Variants in BEST3 observed in about 807,000 individuals in gnomAD.
BEST3 encodes the protein bestrophin 3, also known as bestrophin-3.
In BEST3, 50 loss-of-function variants were observed where a neutral mutation model predicts 47.1. The ratio of observed to expected loss-of-function variants is 1.06; its 90% confidence interval spans 0.85 to 1.34. The LOEUF is 1.34. Ranked by LOEUF, BEST3 falls within the 40% of genes most tolerant of loss-of-function variation. The probability of loss-of-function intolerance (pLI) is 0.00; values close to 1 mark genes in which losing one functional copy is unlikely to be tolerated. For synonymous variants in BEST3, 282 were observed against 298.8 expected (o/e 0.94, Z 0.58); for missense variants, 765 against 817.0 (o/e 0.94, Z 0.78).
chr12:69,644,228 C>CT, intron 9 of BEST3, among the ~76,000 whole-genome samples: 1 of 152,188 alleles, frequency 6.6e-6, no homozygotes. Context: ...CGCAACTCTG[C>CT]TAATTGTCAG....
intron 9 of BEST3, among the ~76,000 whole-genome samples, chr12:69,671,092 T>C (rs1389003484): frequency 6.6e-6 from 1 of 152,148 alleles, no homozygotes; most frequent in Non-Finnish European, 1.5e-5. Flanking sequence ...CCAAAAAAGG[T>C]AAAAAGATTA....
chr12:69,653,244 C>T (rs897145027), downstream of BEST3, among the ~76,000 whole-genome samples: 6 of 152,152 alleles, frequency 3.9e-5, no homozygotes, highest in African/African-American at 7.2e-5. Context: ...GCATAAAAGA[C>T]GCAGGTAGAC....
Position 69,671,538 on chromosome 12 carries a change from G to A in BEST3, c.990C>T (p.Pro330=), listed in dbSNP as rs998620278. The change falls in exon 9 of 10, where the codon CCC becomes CCT. Residue 330 remains proline (P), a synonymous_variant. Transcript: ENST00000330891. ...LAVDEMHMSL[P]KMKKDIYWDD... ...CCCAGTAAATGTCCTTCTTCATCTT[G>A]GGTAAGCTCATGTGCATTTCGTCCA... is the stretch of plus-strand genomic sequence containing the variant. The A allele has an allele frequency of 6.2e-7, 1 of 1,613,848 alleles. No homozygotes were observed. Among genetic ancestry groups the A allele is most frequent in the Admixed American group, 1.7e-5 (1 of 60,008 alleles).
chr12:69,667,640 G>C (rs991672832), intron 9 of BEST3, among the ~76,000 whole-genome samples: 1 of 152,214 alleles, frequency 6.6e-6, no homozygotes, highest in African/African-American at 2.4e-5. Flanking sequence ...CTGACTCCAA[G>C]AGGCTTTCTT....
At position 69,655,270 on chromosome 12, in the gene BEST3, G is replaced by A. The variant is rs199619411; in HGVS notation, c.1644C>T (p.Ser548=). The part of the protein sequence containing the change: ...KTEQQQGPMG[S]ILSPSEKETP... ...TCTCCTTCTCTGAGGGAGACAGGAT[G>A]GATCCCATGGGGCCCTGCTGCTGCT... The change falls in exon 10 of 10, where the codon TCC becomes TCT. Residue 548 remains serine, a synonymous_variant. Coordinates refer to ENST00000330891, the MANE Select transcript of BEST3 (RefSeq NM_032735.3). The A allele has an allele frequency of 2.8e-5, 45 of 1,614,050 alleles. No individual in the cohort carries two copies. The highest frequency in any genetic ancestry group is 3.6e-5 in the Non-Finnish European group (42 of 1,180,036).
chr12:69,670,127 T>A (rs542076972), intron 9 of BEST3: 3 of 251,118 alleles, frequency 1.2e-5, no homozygotes, highest in African/African-American at 4.3e-5. Context: ...ACAGCTCTTA[T>A]TAATTCTGAA....
rs763385722 is a variant in BEST3, at chr12:69,680,310, C to CTTCTTTTTTTTTTTTT, written c.482-1418_482-1417insAAAAAAAAAAAAAGAA. 2.5e-3 allele frequency among the ~76,000 whole-genome samples: 236 copies of CTTCTTTTTTTTTTTTT among 94,966 alleles called. 21 individuals are homozygous for CTTCTTTTTTTTTTTTT. The highest frequency in any genetic ancestry group is 5.2e-3 in the South Asian group (14 of 2,684). The allele number at this position is 94,966 out of a possible 152,430, so 62.3% of individuals were successfully genotyped here. On this transcript the variant is annotated intron_variant, in intron 4 of 9. Coordinates refer to ENST00000330891, the MANE Select transcript of BEST3 (RefSeq NM_032735.3). ...TTAAAACTTACAGTTTACACTTGAT[C>CTTCTTTTTTTTTTTTT]TTTTTTTTTTTTTTTTTAGATGGAG...
At chr12:69,670,716 A>G (rs1884515736) in intron 9 of BEST3, 1 of 455,200 alleles carries the variant, frequency 2.2e-6, no homozygotes, top group African/African-American at 1.9e-5. Flanking sequence ...CAGTCTTGCC[A>G]AGAATTATAA....
rs768298751 is a variant in BEST3, at chr12:69,655,658, T to G, written c.1256A>C (p.Asp419Ala). 6.2e-7 allele frequency: 1 copy of G among 1,613,776 alleles called. No individual in the cohort carries two copies. Among genetic ancestry groups the G allele is most frequent in the African/African-American group, 1.3e-5 (1 of 74,844 alleles). The change falls in exon 10 of 10, where the codon GAC (aspartate) becomes GCC (alanine). Residue 419 changes from aspartate to alanine, a missense_variant. Physicochemically the swap from Asp to Ala is moderately radical, Grantham distance 126. Coordinates refer to ENST00000330891, the MANE Select transcript of BEST3 (RefSeq NM_032735.3). ...ATCTCGGGGTAAGAACATGGAGCTG[T>G]CACTTGTCTGCCTCCTGTAGCTTCT... The part of the protein sequence containing the change: ...RRRSYRRQTS[D>A]SSMFLPRDDL...
intron 9 of BEST3, among the ~76,000 whole-genome samples, chr12:69,645,365 C>G (rs939182732): frequency 1.3e-5 from 2 of 152,186 alleles, no homozygotes; most frequent in African/African-American, 2.4e-5. Flanking sequence ...TACTTCACAG[C>G]TTGTTAAGAG....
At position 69,680,310 on chromosome 12, in the gene BEST3, C is replaced by CTTCTTTTTTTTTTTTTTTTTTTTTTTTTT. The variant is rs763385722; in HGVS notation, c.482-1418_482-1417insAAAAAAAAAAAAAAAAAAAAAAAAAAGAA. ...TTAAAACTTACAGTTTACACTTGAT[C>CTTCTTTTTTTTTTTTTTTTTTTTTTTTTT]TTTTTTTTTTTTTTTTTAGATGGAG... is the stretch of plus-strand genomic sequence containing the variant. On this transcript the variant is annotated intron_variant, in intron 4 of 9. Transcript: ENST00000330891. Among the ~76,000 whole-genome samples, 46 of 94,998 alleles carry CTTCTTTTTTTTTTTTTTTTTTTTTTTTTT rather than the reference C, an allele frequency of 4.8e-4. 8 individuals carry two copies. Among genetic ancestry groups the CTTCTTTTTTTTTTTTTTTTTTTTTTTTTT allele is most frequent in the African/African-American group, 1.4e-3 (32 of 23,408 alleles). The allele number at this position is 94,998 out of a possible 152,430, so 62.3% of individuals were successfully genotyped here. A position where few individuals can be genotyped will look rare whatever the true frequency, so the allele number is the denominator to read the frequency against.
Position 69,671,517 on chromosome 12 carries a change from G to A in BEST3, c.1011C>T (p.Tyr337=). The change falls in exon 9 of 10, where the codon TAC becomes TAT. Residue 337 remains tyrosine (Y), a synonymous_variant. Transcript: ENST00000330891. ...GTGGGCGAGCAGCAGAATCGTCCCA[G>A]TAAATGTCCTTCTTCATCTTGGGTA... ...MSLPKMKKDI[Y]WDDSAARPPY... is the part of the protein sequence containing the mutation. The A allele has an allele frequency of 6.2e-7, 1 of 1,613,902 alleles. No individual in the cohort carries two copies.
intron 4 of BEST3, among the ~76,000 whole-genome samples, chr12:69,680,472 C>T (rs1166822107): frequency 1.3e-5 from 2 of 151,864 alleles, no homozygotes; most frequent in Non-Finnish European, 2.9e-5. Context: ...CCACGCCCGG[C>T]TAAGTTTTTG....
chr12:69,696,408 A>T (rs1886134892), intron 2 of BEST3, among the ~76,000 whole-genome samples: 1 of 152,202 alleles, frequency 6.6e-6, no homozygotes, highest in South Asian at 2.1e-4. Context: ...ATAAATTCAC[A>T]TTAGTAAAAA....
At chr12:69,647,961 CAGA>C (rs1441425950) in intron 9 of BEST3, among the ~76,000 whole-genome samples, 1 of 152,142 alleles carries the variant, frequency 6.6e-6, no homozygotes, top group East Asian at 1.9e-4. Flanking sequence ...AGGCAATTTT[CAGA>C]AGAAGAGTCC....
chr12:69,673,008 A>G (rs1161634457), intron 7 of BEST3, 43 bp from the exon 8 acceptor site: 2 of 1,451,862 alleles, frequency 1.4e-6, no homozygotes, highest in East Asian at 4.5e-5. Flanking sequence ...GATACCTGTG[A>G]AAACTCAGAA....
chr12:69,698,552 G>A (rs920201354), intron 1 of BEST3, among the ~76,000 whole-genome samples: 1 of 152,132 alleles, frequency 6.6e-6, no homozygotes, highest in Non-Finnish European at 1.5e-5. Context: ...TAGAACATAT[G>A]CAAATAAAAT....
At chr12:69,689,585 A>C (rs1885831513) in intron 4 of BEST3, among the ~76,000 whole-genome samples, 1 of 152,144 alleles carries the variant, frequency 6.6e-6, no homozygotes, top group Non-Finnish European at 1.5e-5. Context: ...CTGCCTTTTG[A>C]GAAAATACTT....
At chr12:69,691,749 G>A (rs973887156) in intron 4 of BEST3, among the ~76,000 whole-genome samples, 8 of 152,218 alleles carry the variant, frequency 5.3e-5, no homozygotes, top group South Asian at 2.1e-4. Flanking sequence ...CCAAGATAGC[G>A]CCACTTCACT....
Sources: gnomAD v4.1 joint callset for allele counts (sites outside exome capture counted in the v4.1 genomes callset) on GRCh38, gnomAD v4.1.1 for gene constraint, MANE v1.5 for transcripts, NCBI Gene and HGNC (gene_info 2026-07-23, HGNC 2026-07-21) for gene names.